Variants in STAG2 observed in about 807,000 individuals in gnomAD.
STAG2 encodes the protein cohesin subunit SA-2.
Under a neutral mutation model 108.1 loss-of-function variants are expected in STAG2, and 14 were observed. The ratio of observed to expected loss-of-function variants is 0.13; its 90% CI spans 0.09 to 0.20. The LOEUF is 0.20. STAG2 is among the 10% of genes least tolerant of loss of function. The pLI is 1.00. For synonymous variants in STAG2, 307 were observed against 302.7 expected (o/e 1.01, Z -0.15); for missense variants, 440 against 940.9 (o/e 0.47, Z 6.96).
intron 1 of STAG2, among the ~76,000 whole-genome samples, chrX:123,974,827 T>G (rs996805746): frequency 5.4e-5 from 6 of 111,413 alleles, no homozygotes; most frequent in Non-Finnish European, 9.4e-5. Flanking sequence ...TCCGCCCGCC[T>G]TGGCCTCCCA....
At chrX:124,036,483 C>T (rs998037609) in intron 5 of STAG2, among the ~76,000 whole-genome samples, 1 of 111,577 alleles carries the variant, frequency 9.0e-6, no homozygotes, top group African/African-American at 3.3e-5. Context: ...CTCCCGGGTT[C>T]AAGTGATTCT....
intron 4 of STAG2, among the ~76,000 whole-genome samples, chrX:124,028,792 GTTTATA>G (rs1288409793): frequency 3.7e-5 from 1 of 27,017 alleles, no homozygotes; most frequent in East Asian, 1.5e-3. Flanking sequence ...TCTAAGAATA[GTTTATA>G]TATATATATA....
chrX:124,037,837 A>C (rs1406357831), intron 6 of STAG2, among the ~76,000 whole-genome samples: 2 of 112,615 alleles, frequency 1.8e-5, no homozygotes, highest in Non-Finnish European at 3.8e-5. Flanking sequence ...TTATCTAAAA[A>C]CTTAGCAGTT....
At chrX:124,033,334 C>T (rs1418741826) in intron 5 of STAG2, among the ~76,000 whole-genome samples, 1 of 112,200 alleles carries the variant, frequency 8.9e-6, no homozygotes, top group African/African-American at 3.2e-5. Flanking sequence ...CATTGTATTG[C>T]ATTTCATTAC....
intron 1 of STAG2, among the ~76,000 whole-genome samples, chrX:123,983,464 G>A: frequency 9.0e-6 from 1 of 110,989 alleles, no homozygotes; most frequent in African/African-American, 3.3e-5. Flanking sequence ...GAGTATGAGA[G>A]AATCAGTGGG....
chrX:124,049,870 G>A (rs1220389401), intron 10 of STAG2, among the ~76,000 whole-genome samples: 1 of 112,273 alleles, frequency 8.9e-6, no homozygotes, highest in Non-Finnish European at 1.9e-5. Flanking sequence ...AGCCAGACAA[G>A]TGTGCCTGCT....
intron 1 of STAG2, among the ~76,000 whole-genome samples, chrX:123,978,006 C>G (rs567835562): frequency 9.2e-6 from 1 of 108,226 alleles, no homozygotes; most frequent in East Asian, 2.9e-4. Context: ...CCAAGCCCAG[C>G]TTATTTTCAT....
chrX:124,060,981 TA>T (rs200374624), intron 15 of STAG2, among the ~76,000 whole-genome samples: 50 of 108,525 alleles, frequency 4.6e-4, no homozygotes, highest in Admixed American at 4.2e-3. Flanking sequence ...ATAAAAATAA[TA>T]AAAAATTTTT....
chrX:124,056,359 C>T (rs1050245689), intron 14 of STAG2, 124 bp downstream of exon 14: 6 of 318,976 alleles, frequency 1.9e-5, no homozygotes, highest in Admixed American at 6.1e-5. Context: ...CAGATCATAT[C>T]GAAGCTTTCA....
chrX:124,056,376 A>C (rs998618587), intron 14 of STAG2, 141 bp downstream of exon 14: 5 of 295,301 alleles, frequency 1.7e-5, no homozygotes, highest in Non-Finnish European at 2.8e-5. Context: ...TTCACATTTT[A>C]CTTTTTCCTT....
At chrX:123,978,154 C>CTTT (rs778721456) in intron 1 of STAG2, among the ~76,000 whole-genome samples, 2 of 81,023 alleles carry the variant, frequency 2.5e-5, no homozygotes, top group African/African-American at 9.0e-5. Flanking sequence ...CTACTGAGTT[C>CTTT]TTTTTTTTTT....
intron 19 of STAG2, 118 bp from the exon 20 acceptor site, chrX:124,063,730 G>A (rs1322929417): frequency 3.0e-5 from 15 of 504,851 alleles, no homozygotes; most frequent in Middle Eastern, 3.9e-4. Flanking sequence ...TAAAATGTAC[G>A]CTCTGTGTTG....
At chrX:123,975,434 A>G (rs2054573215) in intron 1 of STAG2, among the ~76,000 whole-genome samples, 1 of 111,917 alleles carries the variant, frequency 8.9e-6, no homozygotes, top group South Asian at 3.7e-4. Context: ...CAAACTTGTC[A>G]ATGACAAATG....
chrX:124,016,957 T>C (rs1259659480), intron 1 of STAG2, among the ~76,000 whole-genome samples: 1 of 111,580 alleles, frequency 9.0e-6, no homozygotes, highest in Non-Finnish European at 1.9e-5. Flanking sequence ...TCCTTACATA[T>C]AGAAGTATGT....
intron 25 of STAG2, among the ~76,000 whole-genome samples, chrX:124,075,890 T>C (rs1343945092): frequency 9.0e-6 from 1 of 111,412 alleles, no homozygotes; most frequent in African/African-American, 3.3e-5. Context: ...TAGCTGAATA[T>C]ATGTACAAAG....
intron 1 of STAG2, among the ~76,000 whole-genome samples, chrX:124,015,630 C>T (rs2056694423): frequency 9.0e-6 from 1 of 111,479 alleles, no homozygotes; most frequent in South Asian, 3.7e-4. Context: ...GCCTCCACCT[C>T]CCAAAGTGCT....
chrX:124,094,691 G>C (rs2059336279), intron 33 of STAG2, among the ~76,000 whole-genome samples: 1 of 111,272 alleles, frequency 9.0e-6, no homozygotes, highest in African/African-American at 3.3e-5. Context: ...ATTAAACTTT[G>C]TGAAGTAGGT....
chrX:124,082,124 A>G (rs1007895321), intron 28 of STAG2, among the ~76,000 whole-genome samples: 2 of 111,544 alleles, frequency 1.8e-5, no homozygotes, highest in East Asian at 5.6e-4. Context: ...CTTTTTTATC[A>G]ACTTTTGTCA....
chrX:124,089,710 A>G (rs1398519725), intron 30 of STAG2, among the ~76,000 whole-genome samples: 1 of 111,930 alleles, frequency 8.9e-6, no homozygotes, highest in Non-Finnish European at 1.9e-5. Flanking sequence ...CTGTTACCTT[A>G]GAAGAGCTCA....
Sources: gnomAD v4.1 joint callset for allele counts (sites outside exome capture counted in the v4.1 genomes callset) on GRCh38, gnomAD v4.1.1 for gene constraint, MANE v1.5 for transcripts, NCBI Gene and HGNC (gene_info 2026-07-23, HGNC 2026-07-21) for gene names.